ARHGAP18: variants seen among roughly 807,000 people sequenced by gnomAD.
ARHGAP18 encodes rho GTPase-activating protein 18.
Under a neutral mutation model 86.2 loss-of-function variants are expected in ARHGAP18, and 67 were observed. The ratio of observed to expected loss-of-function variants is 0.78; its 90% CI spans 0.64 to 0.95. The LOEUF is 0.95. Among genes scored for constraint, ARHGAP18 ranks in the 40% least tolerant of loss-of-function variants. The pLI, the probability that ARHGAP18 is intolerant of heterozygous loss-of-function variation, is 0.00. For synonymous variants in ARHGAP18, 283 were observed against 280.4 expected, an observed-to-expected ratio of 1.01 and a Z score of -0.09; for missense variants, 691 against 780.4, an observed-to-expected ratio of 0.89 and a Z score of 1.37.
chr6:129,597,756 G>A (rs1356560111), intron 12 of ARHGAP18, among the ~76,000 whole-genome samples: 1 of 151,886 alleles, frequency 6.6e-6, no homozygotes, highest in Admixed American at 6.6e-5. Context: ...AAGAGGTAAA[G>A]TTACAGCTAA....
chr6:129,658,558 TCAGGGTTGAGGATG>T (rs1192395582), intron 1 of ARHGAP18, among the ~76,000 whole-genome samples: 2 of 152,342 alleles, frequency 1.3e-5, no homozygotes, highest in East Asian at 3.9e-4. Flanking sequence ...TGTGTGGACA[TCAGGGTTGAGGATG>T]CAGACAAATC....
At chr6:129,606,154 CCTCT>C (rs1788849626) in intron 9 of ARHGAP18, among the ~76,000 whole-genome samples, 195 bp from the exon 10 acceptor site, 1 of 152,164 alleles carries the variant, frequency 6.6e-6, no homozygotes, top group Non-Finnish European at 1.5e-5. Flanking sequence ...TTAGGAGCTT[CCTCT>C]CTCTCAGAAT....
chr6:129,642,152 T>A, intron 1 of ARHGAP18, 134 bp from the exon 2 acceptor site: 1 of 763,126 alleles, frequency 1.3e-6, no homozygotes, highest in East Asian at 2.7e-5. Context: ...GGAATATATA[T>A]TTTGGAACAG....
chr6:129,590,275 A>C (rs761799636), intron 12 of ARHGAP18, among the ~76,000 whole-genome samples: 10 of 152,156 alleles, frequency 6.6e-5, no homozygotes, highest in Non-Finnish European at 1.5e-4. Flanking sequence ...GGGGAGTATG[A>C]CCATGCCATG....
At chr6:129,680,699 C>G (rs144644960) in intron 1 of ARHGAP18, among the ~76,000 whole-genome samples, 58 of 152,318 alleles carry the variant, frequency 3.8e-4, no homozygotes, top group African/African-American at 1.3e-3. Flanking sequence ...GGAGCCAGAT[C>G]GTTTCCAGAA....
chr6:129,625,909 T>C (rs1789444701), intron 5 of ARHGAP18, among the ~76,000 whole-genome samples: 1 of 79,868 alleles, frequency 1.3e-5, no homozygotes, highest in African/African-American at 4.6e-5. Context: ...TATTTATATA[T>C]TATATATTAT....
intron 2 of ARHGAP18, among the ~76,000 whole-genome samples, chr6:129,641,036 A>G (rs1055340000): frequency 5.3e-5 from 8 of 152,226 alleles, no homozygotes; most frequent in Admixed American, 4.6e-4. Flanking sequence ...GAAATTATGC[A>G]CCAAATACAA....
chr6:129,616,063 T>C, intron 7 of ARHGAP18, 149 bp downstream of exon 7: 2 of 565,822 alleles, frequency 3.5e-6, no homozygotes, highest in South Asian at 4.7e-5. Context: ...TTATGAGCCC[T>C]TGAAACCAAT....
chr6:129,608,891 A>C (rs1166693273), intron 8 of ARHGAP18, among the ~76,000 whole-genome samples: 2 of 152,168 alleles, frequency 1.3e-5, no homozygotes, highest in African/African-American at 4.8e-5. Flanking sequence ...CTAACACAAC[A>C]ACCATTCTCT....
At chr6:129,691,970 G>A (rs113186952) in intron 1 of ARHGAP18, among the ~76,000 whole-genome samples, 31 of 152,298 alleles carry the variant, frequency 2.0e-4, no homozygotes, top group African/African-American at 7.2e-4. Flanking sequence ...TCCTCTCAGG[G>A]GCCACCTGGG....
At position 129,600,779 on chromosome 6, in the gene ARHGAP18, C is replaced by T. The variant is rs1788722188; in HGVS notation, c.1435G>A (p.Ala479Thr). 2.5e-6 allele frequency: 4 copies of T among 1,613,662 alleles called. No individual in the cohort carries two copies. Among genetic ancestry groups the T allele is most frequent in the Non-Finnish European group, 3.4e-6 (4 of 1,179,776 alleles). ...AAGAGATTCGGGGCCATGACCATTG[C>T]TACATTCATGACTGTCATTTTATTT... ...EKNKMTVMNV[A>T]MVMAPNLFMC... The change falls in exon 11 of 15, where the codon GCA becomes ACA. Residue 479 changes from alanine to threonine, a missense_variant. By Grantham distance (58) the Ala-to-Thr change is moderately conservative. Coordinates refer to ENST00000368149, the MANE Select transcript of ARHGAP18 (RefSeq NM_033515.3).
intron 1 of ARHGAP18, among the ~76,000 whole-genome samples, chr6:129,688,309 T>C (rs1774467053): frequency 6.6e-6 from 1 of 152,206 alleles, no homozygotes; most frequent in Non-Finnish European, 1.5e-5. Context: ...CTTAGTTGGA[T>C]GTAAGACGTC....
intron 1 of ARHGAP18, among the ~76,000 whole-genome samples, chr6:129,675,157 C>A (rs183580911): frequency 1.2e-4 from 18 of 152,096 alleles, no homozygotes; most frequent in African/African-American, 4.3e-4. Flanking sequence ...GGTGAAATAA[C>A]GTGGCCAATG....
chr6:129,660,083 G>T (rs916514678), intron 1 of ARHGAP18, among the ~76,000 whole-genome samples: 3 of 152,216 alleles, frequency 2.0e-5, no homozygotes, highest in African/African-American at 7.2e-5. Context: ...CCAGATAGGG[G>T]GTTGGGGTTG....
In ARHGAP18 at chr6:129,681,953, T is replaced by C. The variant is rs544514888; in HGVS notation, c.113+28071A>G. The stretch of plus-strand genomic sequence containing the variant: ...CTCTCTGCTGTATCTCATCAAGTAA[T>C]GTCCTTTCACTCCAGTGAAAAGCCT... On this transcript the variant is annotated intron_variant, in intron 1 of 14. Transcript: ENST00000368149. Among the ~76,000 whole-genome samples, 3 of 152,336 alleles carry C rather than the reference T, an allele frequency of 2.0e-5. No homozygotes were observed. The South Asian group carries it at 6.2e-4, about 32-fold the overall frequency.
Position 129,649,553 on chromosome 6 carries a change from C to CAAAAAAAAAAAAAAAAAAA in ARHGAP18, c.114-7554_114-7536dup. The stretch of plus-strand genomic sequence containing the variant: ...TGGCAACAGAGCAAGTCTCTGTCTC[C>CAAAAAAAAAAAAAAAAAAA]AAAAAAAAAAAAAAAAAAAAAAAAA... On this transcript the variant is annotated intron_variant, in intron 1 of 14. Coordinates refer to ENST00000368149, the MANE Select transcript of ARHGAP18 (RefSeq NM_033515.3). Among the ~76,000 whole-genome samples, 2 of 49,990 alleles carry CAAAAAAAAAAAAAAAAAAA rather than the reference C, an allele frequency of 4.0e-5. 1 individual carries two copies. The allele number at this position is 49,990 out of a possible 152,430, so 32.8% of individuals were successfully genotyped here. A position where few individuals can be genotyped will look rare whatever the true frequency, so the allele number is the denominator to read the frequency against.
chr6:129,689,672 A>G (rs1774491012), intron 1 of ARHGAP18, among the ~76,000 whole-genome samples: 2 of 152,220 alleles, frequency 1.3e-5, no homozygotes, highest in South Asian at 4.1e-4. Context: ...AGGAATAAGA[A>G]TCCACTTAAA....
At chr6:129,630,381 A>G (rs1407554096) in intron 4 of ARHGAP18, among the ~76,000 whole-genome samples, 10 of 152,188 alleles carry the variant, frequency 6.6e-5, no homozygotes, top group Non-Finnish European at 1.3e-4. Context: ...ACAGAAAAAA[A>G]CCTAAAGCCA....
At chr6:129,636,527 A>C (rs935795882) in intron 3 of ARHGAP18, among the ~76,000 whole-genome samples, 3 of 152,234 alleles carry the variant, frequency 2.0e-5, no homozygotes, top group Non-Finnish European at 2.9e-5. Flanking sequence ...GGTTAAAAGC[A>C]TGTACTTCAA....
Sources: allele counts gnomAD v4.1 joint callset (sites outside exome capture counted in the v4.1 genomes callset), GRCh38; gene constraint gnomAD v4.1.1; transcripts MANE v1.5; gene names NCBI Gene and HGNC (gene_info 2026-07-23, HGNC 2026-07-21).